Variants in KCNJ2 observed in about 807,000 individuals in gnomAD.
KCNJ2 encodes potassium inwardly rectifying channel subfamily J member 2.
In KCNJ2, 12 loss-of-function variants were observed where a neutral mutation model predicts 28.4. The observed-to-expected ratio is 0.42, with a 90% CI of 0.27 to 0.68. KCNJ2 has a LOEUF of 0.68. KCNJ2 is among the 30% of genes least tolerant of loss of function. The pLI, the probability that KCNJ2 is intolerant of heterozygous loss-of-function variation, is 0.23. For missense variants in KCNJ2, 320 were observed against 551.3 expected, an observed-to-expected ratio of 0.58 and a Z score of 4.20; for synonymous variants, 200 against 203.2, an observed-to-expected ratio of 0.98 and a Z score of 0.13.
rs1279973206 is a variant in KCNJ2, at chr17:70,179,644, T to TA, written c.*3324dup. 6.0e-6 allele frequency: 1 copy of TA among 166,502 alleles called. No individual in the cohort carries two copies. Among genetic ancestry groups the TA allele is most frequent in the African/African-American group, 2.4e-5 (1 of 41,470 alleles). The allele number at this position is 166,502 out of a possible 1,614,324, so 10.3% of individuals were successfully genotyped here. On this transcript the variant is annotated 3_prime_UTR_variant, in exon 2 of 2. Transcript: ENST00000243457. ...TGTTTATTTGATGAGTTCTGTCCCG[T>TA]AAATCATATTTCCCTTACAATTAAT...
chr17:70,170,299 T>A (rs1222170354), intron 1 of KCNJ2, among the ~76,000 whole-genome samples: 1 of 152,140 alleles, frequency 6.6e-6, no homozygotes, highest in Non-Finnish European at 1.5e-5. Flanking sequence ...ACTTTCACAT[T>A]ACATATCACT....
At chr17:70,170,275 C>T (rs1017770668) in intron 1 of KCNJ2, among the ~76,000 whole-genome samples, 13 of 152,114 alleles carry the variant, frequency 8.5e-5, no homozygotes, top group African/African-American at 3.1e-4. Context: ...GGATTTGAGC[C>T]TGAGGATCGC....
intron 1 of KCNJ2, among the ~76,000 whole-genome samples, chr17:70,171,349 G>A (rs2074364144): frequency 6.6e-6 from 1 of 151,210 alleles, no homozygotes; most frequent in Non-Finnish European, 1.5e-5. Flanking sequence ...CATGTGCCCA[G>A]AGCACACTCA....
In KCNJ2 at chr17:70,175,085, G is replaced by C. The variant is rs1203915572; in HGVS notation, c.46G>C (p.Glu16Gln). The C allele has an allele frequency of 1.2e-6, 2 of 1,614,110 alleles. No individual in the cohort carries two copies. The highest frequency in any genetic ancestry group is 1.7e-5 in the Admixed American group (1 of 60,006). ...CCGCTACAGCATCGTCTCTTCAGAA[G>C]AAGACGGTATGAAGTTGGCCACCAT... ...TNRYSIVSSE[E>Q]DGMKLATMAV... Residue 16 changes from glutamate (E) to glutamine (Q), a missense_variant, in exon 2 of 2, where the codon GAA becomes CAA. Physicochemically the swap from Glu to Gln is conservative, Grantham distance 29. Coordinates refer to ENST00000243457, the MANE Select transcript of KCNJ2 (RefSeq NM_000891.3). The surrounding 1 kb of genome is among the most constrained non-coding windows in gnomAD (Gnocchi z 8.3).
chr17:70,176,474 C>G lies in KCNJ2; in HGVS notation c.*151C>G, dbSNP rs962243222. 4.1e-6 allele frequency: 3 copies of G among 728,864 alleles called. No homozygotes were observed. The highest frequency in any genetic ancestry group is 5.0e-6 in the Non-Finnish European group (2 of 399,762). 45.1% of individuals were successfully genotyped at this position (728,864 alleles called of 1,614,324 possible). A position where few individuals can be genotyped will look rare whatever the true frequency, so the allele number is the denominator to read the frequency against. On this transcript the variant is annotated 3_prime_UTR_variant, in exon 2 of 2. Coordinates refer to ENST00000243457, the MANE Select transcript of KCNJ2 (RefSeq NM_000891.3). ...CAAGCACAATGGTTTCAAAGAAAGA[C>G]TGTAAGCTCCATGATTAGCATAAAG...
intron 1 of KCNJ2, among the ~76,000 whole-genome samples, chr17:70,173,365 T>A (rs893347746): frequency 5.9e-5 from 9 of 152,214 alleles, no homozygotes; most frequent in Non-Finnish European, 4.4e-5. Flanking sequence ...TTATCAGGCA[T>A]CAACAAATTT....
intron 1 of KCNJ2, among the ~76,000 whole-genome samples, chr17:70,171,978 A>C (rs1479214534): frequency 6.6e-6 from 1 of 152,084 alleles, no homozygotes; most frequent in Non-Finnish European, 1.5e-5. Context: ...TATTTTGAAT[A>C]TATGCTTGAA....
rs537542818 is a variant in KCNJ2 at position 70,179,172 on chromosome 17, A to T, written c.*2849A>T. 1 of 145,498 alleles carries T rather than the reference A, an allele frequency of 6.9e-6. No homozygotes were observed. Among genetic ancestry groups the T allele is most frequent in the Admixed American group, 9.6e-5 (1 of 10,436 alleles). 9.0% of individuals were successfully genotyped at this position (145,498 alleles called of 1,614,324 possible). On this transcript the variant is annotated 3_prime_UTR_variant, in exon 2 of 2. Coordinates refer to ENST00000243457, the MANE Select transcript of KCNJ2 (RefSeq NM_000891.3). ...ACCTTCAAAATATTTGTCCTTATTG[A>T]CTGGGTCTCCTTAATTAATGTACAC... is the stretch of plus-strand genomic sequence containing the variant.
At chr17:70,172,312 C>CAAAAAAAAAAAAAAAAA (rs60636682) in intron 1 of KCNJ2, among the ~76,000 whole-genome samples, 1 of 85,892 alleles carries the variant, frequency 1.2e-5, no homozygotes, top group Non-Finnish European at 2.2e-5. Context: ...TTCTTTTTGC[C>CAAAAAAAAAAAAAAAAA]AAAAAAAAAA....
At position 70,177,325 on chromosome 17, in the gene KCNJ2, A is replaced by C. The variant is rs1399405685; in HGVS notation, c.*1002A>C. 1 of 167,104 alleles carries C rather than the reference A, an allele frequency of 6.0e-6. No individual in the cohort carries two copies. Among genetic ancestry groups the C allele is most frequent in the Non-Finnish European group, 1.5e-5 (1 of 68,142 alleles). The allele number at this position is 167,104 out of a possible 1,614,324, so 10.4% of individuals were successfully genotyped here. On this transcript the variant is annotated 3_prime_UTR_variant, in exon 2 of 2. Transcript: ENST00000243457. ...CGACGTCTATCCTTTCCTGCTAGGC[A>C]GTGCTGGCCAGGCTCATGTGTAGTG...
Position 70,174,871 on chromosome 17 carries a change from T to A in KCNJ2, c.-169T>A. ...TGAGTCATTAAAGTAACTCTGCATG[T>A]CAGTAGACAGACCTTGGTAGAACCA... On this transcript the variant is annotated 5_prime_UTR_variant, in exon 2 of 2. Transcript: ENST00000243457. 1 of 694,990 alleles carries A rather than the reference T, an allele frequency of 1.4e-6. No individual in the cohort carries two copies. Among genetic ancestry groups the A allele is most frequent in the Non-Finnish European group, 2.6e-6 (1 of 389,680 alleles). The allele number at this position is 694,990 out of a possible 1,614,324, so 43.1% of individuals were successfully genotyped here. A position where few individuals can be genotyped will look rare whatever the true frequency, so the allele number is the denominator to read the frequency against.
rs749707062 is a variant in KCNJ2, at chr17:70,176,298, C to T, written c.1259C>T (p.Pro420Leu). 38 of 1,613,994 alleles carry T rather than the reference C, an allele frequency of 2.4e-5. No individual in the cohort carries two copies. The highest frequency in any genetic ancestry group is 1.1e-5 in the South Asian group (1 of 91,090). ...NQASVPLEPR[P>L]LRRESEI ...GCAAGTGTACCTCTAGAGCCCAGGC[C>T]CTTACGGCGAGAGTCGGAGATATGA... Residue 420 changes from proline (P) to leucine (L), a missense_variant, in exon 2 of 2, where the codon CCC becomes CTC. Pro to Leu is a moderately conservative substitution (Grantham distance 98). This residue lies in a region of KCNJ2 where 155 missense variants were observed against 231.6 expected (regional missense o/e 0.67). Transcript: ENST00000243457.
Position 70,174,927 on chromosome 17 carries a change from A to AT in KCNJ2, c.-106dup, listed in dbSNP as rs1598210880. The AT allele has an allele frequency of 9.5e-7, 1 of 1,047,686 alleles. No homozygotes were observed. 64.9% of individuals were successfully genotyped at this position (1,047,686 alleles called of 1,614,324 possible). ...CTCCCAGAGACACCCATCTCTCCTC[A>AT]TTTTTTTGGTGTGTGTGTCTTCACC... On this transcript the variant is annotated 5_prime_UTR_variant, in exon 2 of 2. Transcript: ENST00000243457.
chr17:70,173,797 A>G (rs568028656), intron 1 of KCNJ2, among the ~76,000 whole-genome samples: 42 of 152,322 alleles, frequency 2.8e-4, no homozygotes, highest in African/African-American at 9.6e-4. Context: ...CTGGACTCAC[A>G]TGAAATGAGT....
In KCNJ2 at chr17:70,177,204, A is replaced by T. The variant is rs537514904; in HGVS notation, c.*881A>T. The T allele has an allele frequency of 1.2e-5, 2 of 167,022 alleles. No individual in the cohort carries two copies. The highest frequency in any genetic ancestry group is 2.9e-5 in the Non-Finnish European group (2 of 68,132). The allele number at this position is 167,022 out of a possible 1,614,324, so 10.3% of individuals were successfully genotyped here. A position where few individuals can be genotyped will look rare whatever the true frequency, so the allele number is the denominator to read the frequency against. ...AGAAAATAGAGCATCATACTCACCG[A>T]GTCTAGTCAGTGTAGTGCTTTTAAA... On this transcript the variant is annotated 3_prime_UTR_variant, in exon 2 of 2. Transcript: ENST00000243457.
intron 1 of KCNJ2, among the ~76,000 whole-genome samples, chr17:70,172,040 T>C (rs536581954): frequency 6.6e-6 from 1 of 152,236 alleles, no homozygotes; most frequent in East Asian, 1.9e-4. Context: ...TCTCAGCTGC[T>C]CACGAATTGG....
At chr17:70,171,826 G>A (rs2074366657) in intron 1 of KCNJ2, among the ~76,000 whole-genome samples, 3 of 152,098 alleles carry the variant, frequency 2.0e-5, no homozygotes, top group Non-Finnish European at 4.4e-5. Flanking sequence ...GATTATTTGT[G>A]TCCATGAAAT....
intron 1 of KCNJ2, among the ~76,000 whole-genome samples, chr17:70,174,375 TC>T (rs2074380068): frequency 6.6e-6 from 1 of 152,224 alleles, no homozygotes; most frequent in Non-Finnish European, 1.5e-5. Flanking sequence ...TCAGTGGATA[TC>T]AATGCTGCGT....
rs1024993993 is a variant in KCNJ2, at chr17:70,177,158, G to C, written c.*835G>C. 1 of 166,956 alleles carries C rather than the reference G, an allele frequency of 6.0e-6. No individual in the cohort carries two copies. The highest frequency in any genetic ancestry group is 2.4e-5 in the African/African-American group (1 of 41,404). The allele number at this position is 166,956 out of a possible 1,614,324, so 10.3% of individuals were successfully genotyped here. A position where few individuals can be genotyped will look rare whatever the true frequency, so the allele number is the denominator to read the frequency against. Reference sequence around the variant, plus strand: ...AACCTCAGCAAGACCTTGAACCGCCGGTTCATTTTGCACCTTATTCAGAAA... The same window carrying C: ...AACCTCAGCAAGACCTTGAACCGCCCGTTCATTTTGCACCTTATTCAGAAA... On this transcript the variant is annotated 3_prime_UTR_variant, in exon 2 of 2. Coordinates refer to ENST00000243457, the MANE Select transcript of KCNJ2 (RefSeq NM_000891.3).
Sources: allele counts gnomAD v4.1 joint callset (sites outside exome capture counted in the v4.1 genomes callset), GRCh38; gene constraint gnomAD v4.1.1; regional missense constraint gnomAD v4.1.1; non-coding constraint Gnocchi (gnomAD v3.1); transcripts MANE v1.5; gene names NCBI Gene and HGNC (gene_info 2026-07-23, HGNC 2026-07-21).